The following LRRFIP1 variants were observed in gnomAD, a reference collection of about 807,000 sequenced individuals.
LRRFIP1 encodes leucine-rich repeat flightless-interacting protein 1.
Under a neutral mutation model 104.4 loss-of-function variants are expected in LRRFIP1, and 62 were observed. The observed-to-expected ratio is 0.59, with a 90% CI of 0.48 to 0.73. The LOEUF (loss-of-function observed/expected upper bound fraction) is 0.73. LRRFIP1 is among the 30% of genes least tolerant of loss of function. The probability of loss-of-function intolerance (pLI) is 0.00; values close to 1 mark genes in which losing one functional copy is unlikely to be tolerated. For synonymous variants in LRRFIP1, 300 were observed against 299.0 expected (o/e 1.00, Z -0.03); for missense variants, 796 against 824.5 (o/e 0.97, Z 0.42).
At chr2:237,740,607 T>C (rs1286772934) in intron 11 of LRRFIP1, among the ~76,000 whole-genome samples, 1 of 152,158 alleles carries the variant, frequency 6.6e-6, no homozygotes, top group Non-Finnish European at 1.5e-5. Flanking sequence ...GGCGGGCTTT[T>C]CCTATTGTGG....
intron 1 of LRRFIP1, among the ~76,000 whole-genome samples, chr2:237,654,697 C>T (rs1411551643): frequency 6.6e-6 from 1 of 151,688 alleles, no homozygotes; most frequent in Non-Finnish European, 1.5e-5. Context: ...ATTACAGGCA[C>T]CTGCCAGCAC....
intron 1 of LRRFIP1, among the ~76,000 whole-genome samples, chr2:237,666,862 TTTC>T (rs1170109697): frequency 6.6e-6 from 1 of 151,294 alleles, no homozygotes; most frequent in African/African-American, 2.4e-5. Context: ...TCTTTCTTTC[TTTC>T]TTCTCTTTCT....
At chr2:237,763,340 G>A in intron 19 of LRRFIP1, 2 of 1,614,088 alleles carry the variant, frequency 1.2e-6, no homozygotes, top group Non-Finnish European at 1.7e-6. Flanking sequence ...CACTCAAAAT[G>A]AACCCTTAGA....
At chr2:237,724,051 T>C (rs867784343) in intron 7 of LRRFIP1, among the ~76,000 whole-genome samples, 1,563 of 101,648 alleles carry the variant, frequency 0.015, 13 homozygotes, top group African/African-American at 0.048. Context: ...CAATCTGACT[T>C]TTTTTTTTTT....
At position 237,639,893 on chromosome 2, in the gene LRRFIP1, G is replaced by A. The variant is rs1191512324; in HGVS notation, c.96+12153G>A. Among the ~76,000 whole-genome samples the A allele has an allele frequency of 4.6e-5, 7 of 152,238 alleles. No individual in the cohort carries two copies. The South Asian group carries it at 1.0e-3, about 23-fold the overall frequency. On this transcript the variant is annotated intron_variant, in intron 1 of 23. Transcript: ENST00000308482. Reference sequence around the variant, plus strand: ...GCCCAGTAGGCGCCAGGAGCTCCTCGCTATTCCCAGCTGTGACCACCAAAC... The same window carrying A: ...GCCCAGTAGGCGCCAGGAGCTCCTCACTATTCCCAGCTGTGACCACCAAAC...
intron 1 of LRRFIP1, among the ~76,000 whole-genome samples, chr2:237,653,080 A>G (rs1318018099): frequency 2.0e-5 from 3 of 152,152 alleles, no homozygotes; most frequent in Non-Finnish European, 4.4e-5. Flanking sequence ...CCCTTCCACC[A>G]TGATTGTAAG....
intron 19 of LRRFIP1, among the ~76,000 whole-genome samples, chr2:237,760,492 A>T (rs2059744173): frequency 6.6e-6 from 1 of 152,246 alleles, no homozygotes; most frequent in African/African-American, 2.4e-5. Context: ...AACAGTCTCA[A>T]AATTAAGTAA....
At chr2:237,726,089 T>C (rs2094737344) in intron 7 of LRRFIP1, among the ~76,000 whole-genome samples, 1 of 152,216 alleles carries the variant, frequency 6.6e-6, no homozygotes, top group Non-Finnish European at 1.5e-5. Flanking sequence ...TGTCAAATAA[T>C]CTTGTTGCTG....
At chr2:237,652,452 A>T (rs765452040) in intron 1 of LRRFIP1, among the ~76,000 whole-genome samples, 2 of 152,240 alleles carry the variant, frequency 1.3e-5, no homozygotes, top group Non-Finnish European at 2.9e-5. Flanking sequence ...ATGGATATAA[A>T]GGTTACAGCA....
At chr2:237,760,250 C>T (rs1221286412) in intron 19 of LRRFIP1, 45 bp downstream of exon 19, 4 of 1,605,526 alleles carry the variant, frequency 2.5e-6, no homozygotes, top group South Asian at 2.2e-5. Flanking sequence ...TTCCACTCAG[C>T]ATTGGTTCAC....
intron 19 of LRRFIP1, among the ~76,000 whole-genome samples, chr2:237,767,060 A>G (rs1416583262): frequency 6.6e-6 from 1 of 152,124 alleles, no homozygotes; most frequent in Non-Finnish European, 1.5e-5. Flanking sequence ...ATGTAGTCCC[A>G]TGTAGTCCCA....
chr2:237,734,527 G>T (rs1055012599), intron 9 of LRRFIP1, among the ~76,000 whole-genome samples: 1 of 152,122 alleles, frequency 6.6e-6, no homozygotes, highest in African/African-American at 2.4e-5. Flanking sequence ...TGATCTGCCT[G>T]CCTCGGCCTC....
At chr2:237,693,680 T>C (rs1168105826) in intron 1 of LRRFIP1, among the ~76,000 whole-genome samples, 1 of 152,124 alleles carries the variant, frequency 6.6e-6, no homozygotes. Flanking sequence ...GGTGCCAGTG[T>C]TCTGAGGAGC....
intron 1 of LRRFIP1, chr2:237,692,591 C>G: frequency 7.0e-7 from 1 of 1,425,902 alleles, no homozygotes; most frequent in South Asian, 1.4e-5. Context: ...CCAGCTCGTT[C>G]CGAGGTCAAT....
chr2:237,727,742 C>T, intron 7 of LRRFIP1, 134 bp from the exon 8 acceptor site: 1 of 553,782 alleles, frequency 1.8e-6, no homozygotes, highest in East Asian at 2.9e-5. Flanking sequence ...AGGACTTGTA[C>T]TGTCCTGGAC....
intron 1 of LRRFIP1, among the ~76,000 whole-genome samples, chr2:237,643,283 C>T (rs964622225): frequency 1.3e-5 from 2 of 152,238 alleles, no homozygotes; most frequent in Admixed American, 6.5e-5. Flanking sequence ...GCTAGAAATG[C>T]TGGGTCTTGA....
intron 1 of LRRFIP1, among the ~76,000 whole-genome samples, chr2:237,664,441 G>A (rs1308580941): frequency 1.3e-5 from 2 of 152,218 alleles, no homozygotes; most frequent in African/African-American, 4.8e-5. Flanking sequence ...AGTGTGTTCA[G>A]CTGCTGGCAT....
rs183644163 is a variant in LRRFIP1, at chr2:237,758,729, G to T, written c.1225G>T (p.Ala409Ser). ...TCTCTTGGCTCTGCTGCACACTCAG[G>T]CATTAGAGAGGCAGAAAGAGTTCTT... Reference protein sequence around the residue: ...TIEWKDKKIGALERQKEFFDS... With the variant: ...TIEWKDKKIGSLERQKEFFDS... Residue 409 changes from alanine to serine, a missense_variant and splice_region_variant, in exon 18 of 24, where the codon GCA becomes TCA. By Grantham distance (99) the Ala-to-Ser change is moderately conservative. Transcript: ENST00000308482. 182 of 1,607,798 alleles carry T rather than the reference G, an allele frequency of 1.1e-4. No homozygotes were observed. In the African/African-American group the frequency reaches 2.1e-3, roughly 19 times the overall value.
At position 237,775,560 on chromosome 2, in the gene LRRFIP1, G is replaced by A. The variant is rs140793739; in HGVS notation, c.1812+1098G>A. On this transcript the variant is annotated intron_variant, in intron 23 of 23. Coordinates refer to ENST00000308482, the MANE Select transcript of LRRFIP1 (RefSeq NM_001137550.2). ...CAATAGGATCACTCGGGCCGGGCGC[G>A]GTGGCTCACGCCTATAATCCCAGCA... Among the ~76,000 whole-genome samples the A allele has an allele frequency of 2.9e-3, 437 of 152,326 alleles. 1 individual carries two copies. Among genetic ancestry groups the A allele is most frequent in the Middle Eastern group, 0.01 (3 of 294 alleles).
Sources: allele counts gnomAD v4.1 joint callset (sites outside exome capture counted in the v4.1 genomes callset), GRCh38; gene constraint gnomAD v4.1.1; transcripts MANE v1.5; gene names NCBI Gene and HGNC (gene_info 2026-07-23, HGNC 2026-07-21).